SEMA5A: variants seen among roughly 807,000 people sequenced by gnomAD.
The protein encoded by SEMA5A is semaphorin 5A.
Under a neutral mutation model 135.5 loss-of-function variants are expected in SEMA5A, and 55 were observed. The ratio of observed to expected loss-of-function variants is 0.41; its 90% confidence interval spans 0.33 to 0.51. SEMA5A has a LOEUF of 0.51. SEMA5A is among the 20% of genes least tolerant of loss of function. The probability of loss-of-function intolerance (pLI) is 0.37; values close to 1 mark genes in which losing one functional copy is unlikely to be tolerated. For synonymous variants in SEMA5A, 580 were observed against 546.5 expected (o/e 1.06, Z -0.85); for missense variants, 1,290 against 1,419.9 (o/e 0.91, Z 1.47).
At chr5:9,534,972 A>G (rs939560226) in intron 1 of SEMA5A, among the ~76,000 whole-genome samples, 1 of 152,200 alleles carries the variant, frequency 6.6e-6, no homozygotes, top group African/African-American at 2.4e-5. Context: ...TTCAGGACCT[A>G]AAGTCCAAGC....
intron 2 of SEMA5A, among the ~76,000 whole-genome samples, chr5:9,436,306 A>G (rs1758027681): frequency 6.6e-6 from 1 of 152,214 alleles, no homozygotes; most frequent in African/African-American, 2.4e-5. Flanking sequence ...TCCAGCTCTC[A>G]GGTGCTGTGG....
chr5:9,207,102 G>GCATATATATATATA (rs1554003338), intron 8 of SEMA5A, among the ~76,000 whole-genome samples: 1 of 97,698 alleles, frequency 1.0e-5, no homozygotes, highest in African/African-American at 3.9e-5. Flanking sequence ...ATGATCAAGT[G>GCATATATATATATA]TATATATATA....
chr5:9,169,998 C>T (rs531405937), intron 11 of SEMA5A, among the ~76,000 whole-genome samples: 5 of 152,250 alleles, frequency 3.3e-5, no homozygotes, highest in East Asian at 1.9e-4. Context: ...TTCCTTCACC[C>T]GAGGGAAAGT....
chr5:9,429,735 G>A (rs1199667427), intron 2 of SEMA5A, among the ~76,000 whole-genome samples: 5 of 152,214 alleles, frequency 3.3e-5, no homozygotes, highest in African/African-American at 1.2e-4. Flanking sequence ...GACTGAGCAA[G>A]GAAAGTGGCT....
chr5:9,277,556 G>A (rs1287592374), intron 5 of SEMA5A, among the ~76,000 whole-genome samples: 1 of 152,094 alleles, frequency 6.6e-6, no homozygotes, highest in Non-Finnish European at 1.5e-5. Context: ...CAAAGACTTG[G>A]AACCTACTCA....
chr5:9,322,857 G>A (rs1424811573), intron 4 of SEMA5A, among the ~76,000 whole-genome samples: 1 of 152,022 alleles, frequency 6.6e-6, no homozygotes, highest in African/African-American at 2.4e-5. Context: ...AACAAACACA[G>A]TAACAGCTCT....
At chr5:9,175,088 T>C (rs1201699358) in intron 11 of SEMA5A, among the ~76,000 whole-genome samples, 2 of 152,188 alleles carry the variant, frequency 1.3e-5, no homozygotes, top group Non-Finnish European at 2.9e-5. Context: ...AGGAATTTTA[T>C]ATATTATTCT....
chr5:9,368,743 T>C (rs1440963820), intron 3 of SEMA5A, among the ~76,000 whole-genome samples: 1 of 152,242 alleles, frequency 6.6e-6, no homozygotes. Flanking sequence ...GTTTCCTTTT[T>C]ATTGCCCAGT....
chr5:9,299,441 CA>C (rs1344070700), intron 5 of SEMA5A, among the ~76,000 whole-genome samples: 3 of 152,122 alleles, frequency 2.0e-5, no homozygotes, highest in African/African-American at 7.2e-5. Flanking sequence ...AGGAGAAAGG[CA>C]AGTTGGGGAT....
intron 15 of SEMA5A, among the ~76,000 whole-genome samples, chr5:9,110,298 A>G (rs1740168577): frequency 6.6e-6 from 1 of 152,182 alleles, no homozygotes; most frequent in Admixed American, 6.5e-5. Context: ...TTGGTGCTTC[A>G]TCTTGACTAT....
chr5:9,087,441 C>T (rs1238229024), intron 16 of SEMA5A, among the ~76,000 whole-genome samples: 1 of 152,048 alleles, frequency 6.6e-6, no homozygotes, highest in African/African-American at 2.4e-5. Context: ...GAAAATCATT[C>T]TGCTGTGTGT....
rs1305606521 is a variant in SEMA5A at position 9,109,027 on chromosome 5, A to ATTTTTTTT, written c.1926-741_1926-740insAAAAAAAA. 4.0e-3 allele frequency among the ~76,000 whole-genome samples: 473 copies of ATTTTTTTT among 118,830 alleles called. 43 individuals carry two copies. Among genetic ancestry groups the ATTTTTTTT allele is most frequent in the East Asian group, 0.033 (124 of 3,790 alleles). 78.0% of individuals were successfully genotyped at this position (118,830 alleles called of 152,430 possible). A position where few individuals can be genotyped will look rare whatever the true frequency, so the allele number is the denominator to read the frequency against. ...ATCATGAGTCATATTATTTCTCTTC[A>ATTTTTTTT]ATTTTTTTTTTTTTTTTTTTTTTTT... On this transcript the variant is annotated intron_variant, in intron 15 of 22. Coordinates refer to ENST00000382496, the MANE Select transcript of SEMA5A (RefSeq NM_003966.3).
At chr5:9,085,038 T>C (rs1738602588) in intron 16 of SEMA5A, among the ~76,000 whole-genome samples, 2 of 152,144 alleles carry the variant, frequency 1.3e-5, no homozygotes, top group South Asian at 2.1e-4. Context: ...TCTGGAGATC[T>C]GTGGGATTTT....
chr5:9,110,256 T>C (rs534022621), intron 15 of SEMA5A, among the ~76,000 whole-genome samples: 1 of 152,312 alleles, frequency 6.6e-6, no homozygotes, highest in South Asian at 2.1e-4. Flanking sequence ...AATAACTCCA[T>C]GAGAGTTAGA....
At chr5:9,147,520 T>G (rs773982440) in intron 12 of SEMA5A, among the ~76,000 whole-genome samples, 6 of 152,008 alleles carry the variant, frequency 3.9e-5, no homozygotes, top group Non-Finnish European at 2.9e-5. Flanking sequence ...TCCACCCGGG[T>G]CAGCCTCCCA....
intron 8 of SEMA5A, among the ~76,000 whole-genome samples, chr5:9,212,621 A>T (rs994850284): frequency 7.2e-5 from 11 of 152,228 alleles, no homozygotes; most frequent in African/African-American, 2.7e-4. Context: ...TCAAATATGC[A>T]TATCTGTGTT....
intron 3 of SEMA5A, among the ~76,000 whole-genome samples, chr5:9,353,886 G>A (rs1754324843): frequency 6.6e-6 from 1 of 151,664 alleles, no homozygotes; most frequent in Non-Finnish European, 1.5e-5. Flanking sequence ...TAAAGTCACT[G>A]GCCTCACCCC....
At chr5:9,100,201 A>C (rs1464313329) in intron 16 of SEMA5A, among the ~76,000 whole-genome samples, 1 of 152,206 alleles carries the variant, frequency 6.6e-6, no homozygotes. Flanking sequence ...ATTGGACTGC[A>C]GCCTCAGAAA....
At chr5:9,291,847 T>C (rs1181189691) in intron 5 of SEMA5A, among the ~76,000 whole-genome samples, 1 of 152,082 alleles carries the variant, frequency 6.6e-6, no homozygotes, top group Non-Finnish European at 1.5e-5. Context: ...AACGGTTGTT[T>C]TAAATCACTA....
Sources: allele counts gnomAD v4.1 joint callset (sites outside exome capture counted in the v4.1 genomes callset), GRCh38; gene constraint gnomAD v4.1.1; transcripts MANE v1.5; gene names NCBI Gene and HGNC (gene_info 2026-07-23, HGNC 2026-07-21).